The following IGF2BP1 variants were observed in gnomAD, a reference collection of about 807,000 sequenced individuals.
The protein encoded by IGF2BP1 is insulin like growth factor 2 mRNA binding protein 1.
IGF2BP1 carries 11 observed loss-of-function variants against 74.9 expected under a neutral mutation model. The ratio of observed to expected loss-of-function variants is 0.15; its 90% CI spans 0.09 to 0.24. IGF2BP1 has a LOEUF of 0.24. Ranked by LOEUF, IGF2BP1 falls within the 10% of genes least tolerant of loss-of-function variation. The pLI is 1.00. For synonymous variants in IGF2BP1, 287 were observed against 281.8 expected (o/e 1.02, Z -0.18); for missense variants, 440 against 757.4 (o/e 0.58, Z 4.92).
At chr17:49,002,080 T>C (rs1006296265) in intron 2 of IGF2BP1, among the ~76,000 whole-genome samples, 4 of 152,130 alleles carry the variant, frequency 2.6e-5, no homozygotes, top group Non-Finnish European at 4.4e-5. Context: ...GTGAAATGTG[T>C]TCACATTAAA....
Position 49,006,240 on chromosome 17 carries a change from G to A in IGF2BP1, c.236+7071G>A, listed in dbSNP as rs185739195. ...TATGTGTGTAATGGTTGTTTGTGTG[G>A]TCTGACCTCTTTGGCAAAGAGGAAC... is the stretch of plus-strand genomic sequence containing the variant. On this transcript the variant is annotated intron_variant, in intron 2 of 14. Coordinates refer to ENST00000290341, the MANE Select transcript of IGF2BP1 (RefSeq NM_006546.4). Among the ~76,000 whole-genome samples the A allele has an allele frequency of 5.9e-5, 9 of 152,290 alleles. No homozygotes were observed. The East Asian group carries it at 1.3e-3, about 23-fold the overall frequency.
At chr17:49,042,612 G>C (rs2042063975) in intron 9 of IGF2BP1, among the ~76,000 whole-genome samples, 1 of 152,150 alleles carries the variant, frequency 6.6e-6, no homozygotes, top group African/African-American at 2.4e-5. Context: ...GTGATTCCAA[G>C]TATGTGTACA....
intron 2 of IGF2BP1, among the ~76,000 whole-genome samples, chr17:49,002,236 G>T (rs754359431): frequency 6.6e-6 from 1 of 152,040 alleles, no homozygotes; most frequent in Non-Finnish European, 1.5e-5. Context: ...ACTCCCAAAA[G>T]AAAGTGTCCA....
At chr17:49,019,928 A>T (rs183465438) in intron 2 of IGF2BP1, among the ~76,000 whole-genome samples, 1 of 63,510 alleles carries the variant, frequency 1.6e-5, no homozygotes, top group African/African-American at 7.8e-5. Context: ...ATATATATAT[A>T]TATATATATA....
intron 2 of IGF2BP1, among the ~76,000 whole-genome samples, chr17:49,003,818 G>A (rs1468417842): frequency 1.4e-5 from 2 of 147,798 alleles, no homozygotes; most frequent in African/African-American, 5.0e-5. Context: ...GAGATACGGG[G>A]TTGGGTGGAT....
At chr17:48,998,161 G>A (rs1307223305) in intron 1 of IGF2BP1, among the ~76,000 whole-genome samples, 2 of 152,094 alleles carry the variant, frequency 1.3e-5, no homozygotes, top group Non-Finnish European at 2.9e-5. Context: ...AGGAGCTCTG[G>A]CTTCCCCCAT....
chr17:49,039,679 G>A (rs528405206), intron 6 of IGF2BP1, among the ~76,000 whole-genome samples: 4 of 151,982 alleles, frequency 2.6e-5, no homozygotes, highest in African/African-American at 7.2e-5. Context: ...CACCCGCCTC[G>A]GCCTCCAAAA....
chr17:49,009,721 T>A (rs533207387), intron 2 of IGF2BP1, among the ~76,000 whole-genome samples: 14 of 148,030 alleles, frequency 9.5e-5, no homozygotes, highest in South Asian at 4.3e-4. Flanking sequence ...AAAAAAAAAA[T>A]TTAATCGTAA....
intron 2 of IGF2BP1, among the ~76,000 whole-genome samples, chr17:49,021,387 T>TCA (rs1451201624): frequency 6.6e-6 from 1 of 152,150 alleles, no homozygotes; most frequent in Non-Finnish European, 1.5e-5. Context: ...TTCTCCTGAA[T>TCA]CACCCCTGGG....
intron 4 of IGF2BP1, among the ~76,000 whole-genome samples, chr17:49,030,555 T>A (rs1392654516): frequency 5.3e-5 from 8 of 152,314 alleles, no homozygotes; most frequent in Non-Finnish European, 1.2e-4. Context: ...TGCAGGCCAT[T>A]TCTTGGGATG....
chr17:49,006,632 G>A (rs1451876439), intron 2 of IGF2BP1, among the ~76,000 whole-genome samples: 1 of 152,186 alleles, frequency 6.6e-6, no homozygotes, highest in East Asian at 1.9e-4. Flanking sequence ...GTGTACAGAT[G>A]CCTGAAAATG....
rs1252050791 is a variant in IGF2BP1, at chr17:49,042,229, C to T, written c.942-13C>T. 1 of 1,614,138 alleles carries T rather than the reference C, an allele frequency of 6.2e-7. No individual in the cohort carries two copies. On this transcript the variant is annotated splice_polypyrimidine_tract_variant and intron_variant, in intron 8 of 14. Transcript: ENST00000290341. Reference sequence around the variant, plus strand: ...CTGCCAGTGAAAGGACACAACTCTGCTCTTTCTGCCAGGTTGCAAGACCTT... The same window carrying T: ...CTGCCAGTGAAAGGACACAACTCTGTTCTTTCTGCCAGGTTGCAAGACCTT...
chr17:49,025,753 T>A, intron 3 of IGF2BP1, 87 bp downstream of exon 3: 1 of 1,184,952 alleles, frequency 8.4e-7, no homozygotes, highest in Non-Finnish European at 1.2e-6. Context: ...CAGAAATGAT[T>A]GGGGAGGTCT....
Position 49,055,726 on chromosome 17 carries a change from A to G in IGF2BP1, c.*6282A>G. 2.5e-6 allele frequency: 1 copy of G among 398,226 alleles called. No individual in the cohort carries two copies. The highest frequency in any genetic ancestry group is 4.4e-6 in the Non-Finnish European group (1 of 225,924). 24.7% of individuals were successfully genotyped at this position (398,226 alleles called of 1,614,324 possible). On this transcript the variant is annotated 3_prime_UTR_variant, in exon 15 of 15. Coordinates refer to ENST00000290341, the MANE Select transcript of IGF2BP1 (RefSeq NM_006546.4). ...TGAATCAAAAGAGCTTCCTCCCCTG[A>G]GGCAAAGTGGATTTGTAAGCAGTTC...
chr17:49,044,129 G>C (rs139740939), intron 11 of IGF2BP1, 43 bp downstream of exon 11: 2 of 1,605,916 alleles, frequency 1.2e-6, no homozygotes, highest in African/African-American at 2.7e-5. Flanking sequence ...AAAGGGAGGG[G>C]TCTCTGCTTT....
At chr17:49,007,314 C>T (rs775944449) in intron 2 of IGF2BP1, among the ~76,000 whole-genome samples, 2 of 152,210 alleles carry the variant, frequency 1.3e-5, no homozygotes, top group Non-Finnish European at 2.9e-5. Flanking sequence ...TCCTCACATT[C>T]TCCCCCTGGT....
chr17:49,047,518 T>A (rs969203891), intron 14 of IGF2BP1, among the ~76,000 whole-genome samples: 1 of 148,058 alleles, frequency 6.8e-6, no homozygotes, highest in Admixed American at 6.8e-5. Context: ...TAATTCAGCG[T>A]TTTTTTTTTA....
upstream of IGF2BP1, among the ~76,000 whole-genome samples, chr17:48,997,111 C>T (rs1479416486): frequency 1.3e-5 from 2 of 152,146 alleles, no homozygotes; most frequent in Admixed American, 6.5e-5. This position sits in a 1 kb window ranked among gnomAD's most constrained non-coding sequence, Gnocchi z 4.8. Context: ...CCATCCTCCC[C>T]CAGTTTGGGC....
At chr17:49,005,680 CCT>C (rs944997617) in intron 2 of IGF2BP1, among the ~76,000 whole-genome samples, 3 of 152,144 alleles carry the variant, frequency 2.0e-5, no homozygotes, top group Non-Finnish European at 4.4e-5. Context: ...TCTAGTCAAT[CCT>C]CTCTACATTT....
Sources: allele counts gnomAD v4.1 joint callset (sites outside exome capture counted in the v4.1 genomes callset), GRCh38; gene constraint gnomAD v4.1.1; non-coding constraint Gnocchi (gnomAD v3.1); transcripts MANE v1.5; gene names NCBI Gene and HGNC (gene_info 2026-07-23, HGNC 2026-07-21).